SLF1: variants seen among roughly 807,000 people sequenced by gnomAD.
SLF1 encodes the protein SMC5/6 complex localization factor 1, also known as SMC5-SMC6 complex localization factor protein 1.
Under a neutral mutation model 123.0 loss-of-function variants are expected in SLF1, and 105 were observed. The observed-to-expected ratio is 0.85, with a 90% confidence interval of 0.73 to 1.00. The LOEUF (loss-of-function observed/expected upper bound fraction) is 1.00, where lower values mean the gene tolerates loss of function less well. Ranked by LOEUF, SLF1 falls within the 50% of genes least tolerant of loss-of-function variation. SLF1 has a pLI of 0.00. For missense variants in SLF1, 1,239 were observed against 1,223.0 expected (o/e 1.01, Z -0.20); for synonymous variants, 434 against 406.6 (o/e 1.07, Z -0.81).
At chr5:94,638,668 C>G (rs920945130) in intron 4 of SLF1, among the ~76,000 whole-genome samples, 2 of 152,200 alleles carry the variant, frequency 1.3e-5, no homozygotes, top group African/African-American at 2.4e-5. Context: ...CTGTGTGGCA[C>G]TATGCCAACT....
In SLF1 at chr5:94,662,468, A is replaced by G. The variant is rs145252109; in HGVS notation, c.1209+117A>G. 37 of 747,856 alleles carry G rather than the reference A, an allele frequency of 4.9e-5. 1 individual carries two copies. The Middle Eastern group carries it at 1.3e-3, about 26-fold the overall frequency. The allele number at this position is 747,856 out of a possible 1,614,324, so 46.3% of individuals were successfully genotyped here. On this transcript the variant is annotated intron_variant, in intron 10 of 20. Coordinates refer to ENST00000265140, the MANE Select transcript of SLF1 (RefSeq NM_032290.4). Reference sequence around the variant, plus strand: ...TGCACAATAAAAGGTAACGTATTATATGCACAAATAAAGAAATATAGCTTC... The same window carrying G: ...TGCACAATAAAAGGTAACGTATTATGTGCACAAATAAAGAAATATAGCTTC...
chr5:94,671,742 CTG>C (rs1318131990), intron 14 of SLF1, among the ~76,000 whole-genome samples: 1 of 150,578 alleles, frequency 6.6e-6, no homozygotes, highest in East Asian at 1.9e-4. Context: ...TATAAATTAC[CTG>C]TTGAGTACAA....
Position 94,689,543 on chromosome 5 carries a change from T to G in SLF1, c.2356T>G (p.Cys786Gly). 1 of 1,612,518 alleles carries G rather than the reference T, an allele frequency of 6.2e-7. No homozygotes were observed. Among genetic ancestry groups the G allele is most frequent in the East Asian group, 2.2e-5 (1 of 44,802 alleles). Residue 786 changes from cysteine (C) to glycine (G), a missense_variant, in exon 18 of 21, where the codon TGT (cysteine) becomes GGT (glycine). By Grantham distance (159) the Cys-to-Gly change is radical. Transcript: ENST00000265140. ...LKKKSEGELS[C>G]SKENCPSVVK... Reference sequence around the variant, plus strand: ...AAAGAAGTCAGAAGGAGAATTGTCATGTTCCAAGGAGAATTGCCCCTCTGT... The same window carrying G: ...AAAGAAGTCAGAAGGAGAATTGTCAGGTTCCAAGGAGAATTGCCCCTCTGT...
intron 16 of SLF1, 32 bp from the exon 17 acceptor site, chr5:94,688,474 T>A (rs370482569): frequency 1.0e-5 from 16 of 1,597,750 alleles, no homozygotes; most frequent in Non-Finnish European, 1.3e-5. Context: ...TTTTTGTAGT[T>A]GAGAAAATAA....
intron 8 of SLF1, among the ~76,000 whole-genome samples, chr5:94,654,235 A>T (rs1052140745): frequency 2.6e-5 from 4 of 152,090 alleles, no homozygotes; most frequent in African/African-American, 9.7e-5. Flanking sequence ...ATTCAGAAGA[A>T]TTTCAGGAAA....
At chr5:94,686,354 GT>G (rs1013796265) in intron 15 of SLF1, among the ~76,000 whole-genome samples, 4 of 151,902 alleles carry the variant, frequency 2.6e-5, no homozygotes, top group Non-Finnish European at 4.4e-5. Flanking sequence ...CCTAATGATT[GT>G]TTTTTTCAAG....
At chr5:94,675,107 AT>A (rs1031853306) in intron 14 of SLF1, among the ~76,000 whole-genome samples, 5 of 152,216 alleles carry the variant, frequency 3.3e-5, no homozygotes, top group African/African-American at 1.2e-4. Flanking sequence ...TTTGTCACAT[AT>A]TACAGTGGGA....
chr5:94,627,590 A>ATATG (rs201238072), intron 1 of SLF1, among the ~76,000 whole-genome samples: 8,406 of 97,614 alleles, frequency 0.086, 421 homozygotes, highest in African/African-American at 0.14. Flanking sequence ...ATTAACATAT[A>ATATG]TATATATATA....
intron 3 of SLF1, 67 bp from the exon 4 acceptor site, chr5:94,630,436 A>G (rs1745078649): frequency 1.4e-6 from 2 of 1,456,348 alleles, no homozygotes; most frequent in African/African-American, 1.4e-5. Flanking sequence ...TTTATATTTG[A>G]TCTTTATTGT....
intron 4 of SLF1, among the ~76,000 whole-genome samples, chr5:94,639,590 G>A (rs559066792): frequency 2.4e-4 from 36 of 152,196 alleles, no homozygotes; most frequent in Non-Finnish European, 3.8e-4. Flanking sequence ...CTGACCCCCT[G>A]TGCAGTTGAA....
At chr5:94,682,544 A>G (rs997324975) in intron 15 of SLF1, among the ~76,000 whole-genome samples, 1 of 152,220 alleles carries the variant, frequency 6.6e-6, no homozygotes, top group African/African-American at 2.4e-5. Flanking sequence ...CAGAAGTACA[A>G]AATTCATACT....
chr5:94,681,625 C>T (rs1751780185), intron 15 of SLF1, among the ~76,000 whole-genome samples: 1 of 151,868 alleles, frequency 6.6e-6, no homozygotes, highest in South Asian at 2.1e-4. Context: ...TTAGGTATAT[C>T]TCCCAATGCT....
intron 1 of SLF1, among the ~76,000 whole-genome samples, chr5:94,627,870 C>T (rs1255101341): frequency 6.6e-6 from 1 of 151,428 alleles, no homozygotes; most frequent in African/African-American, 2.4e-5. Flanking sequence ...ACTCTTGTTG[C>T]CCAGGCTGGA....
In SLF1 at chr5:94,663,893, A is replaced by AGCT; in HGVS notation, c.1354_1355insCTG (p.Leu451_Glu452insAla). On this transcript the variant is annotated inframe_insertion, in exon 11 of 21. Transcript: ENST00000265140. ...CTGTATGCGTTCTTCATGCCCTTCT[A>AGCT]GAGAACGTTCTACAGGTAAGAGCAG... 6.5e-7 allele frequency: 1 copy of AGCT among 1,536,010 alleles called. No homozygotes were observed. Among genetic ancestry groups the AGCT allele is most frequent in the South Asian group, 1.3e-5 (1 of 79,256 alleles).
chr5:94,661,926 A>G (rs577086097), intron 9 of SLF1, among the ~76,000 whole-genome samples: 44 of 152,088 alleles, frequency 2.9e-4, no homozygotes, highest in African/African-American at 1.0e-3. Context: ...TAAAACAATA[A>G]GATTTGACAT....
chr5:94,676,563 C>T (rs1408499249), intron 14 of SLF1, among the ~76,000 whole-genome samples: 1 of 152,218 alleles, frequency 6.6e-6, no homozygotes, highest in East Asian at 1.9e-4. Flanking sequence ...GGTCGCTGAT[C>T]ATGTCCGAAG....
intron 3 of SLF1, among the ~76,000 whole-genome samples, chr5:94,630,068 A>G (rs868773088): frequency 2.0e-5 from 3 of 152,240 alleles, no homozygotes; most frequent in Non-Finnish European, 2.9e-5. Flanking sequence ...GCCGTGAACA[A>G]TATTGGAAAA....
chr5:94,694,649 GA>G (rs1466165896), intron 20 of SLF1, among the ~76,000 whole-genome samples, 181 bp from the exon 21 acceptor site: 2 of 151,786 alleles, frequency 1.3e-5, no homozygotes, highest in African/African-American at 4.8e-5. Flanking sequence ...TAATTGACTA[GA>G]ATTTTTTTAA....
chr5:94,659,486 T>C (rs971260462), intron 9 of SLF1, among the ~76,000 whole-genome samples: 1 of 152,240 alleles, frequency 6.6e-6, no homozygotes, highest in African/African-American at 2.4e-5. Flanking sequence ...TTGGTTTTCA[T>C]AGGTTTTTTC....
Sources: allele counts gnomAD v4.1 joint callset (sites outside exome capture counted in the v4.1 genomes callset), GRCh38; gene constraint gnomAD v4.1.1; transcripts MANE v1.5; gene names NCBI Gene and HGNC (gene_info 2026-07-23, HGNC 2026-07-21).